The following CELF2 variants were observed in gnomAD, a reference collection of about 807,000 sequenced individuals.
CELF2 encodes the protein CUGBP Elav-like family member 2, also known as CUG triplet repeat RNA-binding protein 2.
A neutral mutation model predicts 62.6 loss-of-function variants in CELF2; 8 were observed. That is an observed-to-expected ratio of 0.13 (90% CI 0.07 to 0.23). The LOEUF (loss-of-function observed/expected upper bound fraction) is 0.23, where lower values mean the gene tolerates loss of function less well. Ranked by LOEUF, CELF2 falls within the 10% of genes least tolerant of loss-of-function variation. The pLI is 1.00. For synonymous variants in CELF2, 258 were observed against 250.0 expected, an observed-to-expected ratio of 1.03 and a Z score of -0.30; for missense variants, 333 against 671.0, an observed-to-expected ratio of 0.50 and a Z score of 5.56.
chr10:10,879,227 C>T (rs1215744001), intron 1 of CELF2, among the ~76,000 whole-genome samples: 1 of 152,206 alleles, frequency 6.6e-6, no homozygotes, highest in Non-Finnish European at 1.5e-5. Flanking sequence ...CTGGTGAATG[C>T]AATTCATTGC....
rs530124486 is a variant in CELF2 at position 11,316,510 on chromosome 10, A to G, written c.1096+2252A>G. On this transcript the variant is annotated intron_variant, in intron 10 of 12. Transcript: ENST00000633077. This position sits in a 1 kb window ranked among gnomAD's most constrained non-coding sequence, Gnocchi z 4.4. Reference sequence around the variant, plus strand: ...CCTTCTCAACAGAGATGATTATGCTACCAGTTCCACTGGATAATTCCTAAA... The same window carrying G: ...CCTTCTCAACAGAGATGATTATGCTGCCAGTTCCACTGGATAATTCCTAAA... 3.9e-5 allele frequency among the ~76,000 whole-genome samples: 6 copies of G among 152,326 alleles called. No homozygotes were observed. Among genetic ancestry groups the G allele is most frequent in the African/African-American group, 1.2e-4 (5 of 41,584 alleles).
the CELF2 span, among the ~76,000 whole-genome samples, chr10:10,662,526 G>A: frequency 1.3e-5 from 2 of 152,108 alleles, no homozygotes; most frequent in Admixed American, 6.5e-5. Context: ...AGTCACTTCC[G>A]AATACAGAGA....
the CELF2 span, among the ~76,000 whole-genome samples, chr10:10,597,571 C>T: frequency 6.6e-6 from 1 of 152,042 alleles, no homozygotes; most frequent in African/African-American, 2.4e-5. Context: ...GAATAAATGA[C>T]CTTTTGATAT....
chr10:11,164,458 T>C (rs2066478316), intron 1 of CELF2, among the ~76,000 whole-genome samples: 1 of 152,152 alleles, frequency 6.6e-6, no homozygotes, highest in South Asian at 2.1e-4. Flanking sequence ...TGCAAAAGCT[T>C]ATGGTTGTGC....
chr10:11,113,018 A>G (rs2055613234), intron 1 of CELF2, among the ~76,000 whole-genome samples: 1 of 152,206 alleles, frequency 6.6e-6, no homozygotes, highest in Non-Finnish European at 1.5e-5. Context: ...AACGCAATGC[A>G]TTTCCACACG....
intron 2 of CELF2, among the ~76,000 whole-genome samples, chr10:10,989,809 G>C (rs2053227315): frequency 6.6e-6 from 1 of 151,898 alleles, no homozygotes; most frequent in Admixed American, 6.6e-5. Context: ...TAAAAAAACA[G>C]TTTATGACTA....
At chr10:10,768,356 G>A in the CELF2 span, among the ~76,000 whole-genome samples, 6 of 151,980 alleles carry the variant, frequency 3.9e-5, no homozygotes, top group Admixed American at 1.3e-4. Context: ...AGGGACACAG[G>A]GCAAAGCGCA....
chr10:11,215,841 A>T (rs2063217283), intron 2 of CELF2, among the ~76,000 whole-genome samples: 1 of 152,192 alleles, frequency 6.6e-6, no homozygotes, highest in Non-Finnish European at 1.5e-5. Flanking sequence ...CCTTTTGGAA[A>T]TTATTCCTTG....
At chr10:10,615,236 T>C in the CELF2 span, among the ~76,000 whole-genome samples, 1 of 152,116 alleles carries the variant, frequency 6.6e-6, no homozygotes, top group Non-Finnish European at 1.5e-5. Context: ...TGTTTGTGGG[T>C]CCCGTATTTG....
At chr10:10,690,826 G>C in the CELF2 span, among the ~76,000 whole-genome samples, 1 of 152,120 alleles carries the variant, frequency 6.6e-6, no homozygotes. Flanking sequence ...GTTGCAGTGA[G>C]CCTAGATCGT....
chr10:11,303,861 G>C (rs958548547), intron 9 of CELF2, among the ~76,000 whole-genome samples: 1 of 152,194 alleles, frequency 6.6e-6, no homozygotes, highest in East Asian at 1.9e-4. Context: ...CTGCCACTGA[G>C]AGTTGTGTGA....
intron 1 of CELF2, chr10:10,918,017 C>G (rs933898249): frequency 6.6e-6 from 1 of 152,174 alleles, no homozygotes; most frequent in African/African-American, 2.4e-5. Context: ...TATCTTAACT[C>G]TGTGCTGTTA....
At chr10:10,725,100 C>T in the CELF2 span, among the ~76,000 whole-genome samples, 2 of 152,198 alleles carry the variant, frequency 1.3e-5, no homozygotes, top group Non-Finnish European at 2.9e-5. Context: ...TAGCTTTTTA[C>T]CAGTATTCCA....
chr10:10,793,210 T>G, the CELF2 span, among the ~76,000 whole-genome samples: 1 of 152,194 alleles, frequency 6.6e-6, no homozygotes, highest in Non-Finnish European at 1.5e-5. Context: ...AAAACACATA[T>G]CTTTGTTCAT....
the CELF2 span, among the ~76,000 whole-genome samples, chr10:10,614,305 C>T: frequency 6.6e-6 from 1 of 152,008 alleles, no homozygotes; most frequent in Non-Finnish European, 1.5e-5. Flanking sequence ...CCCGCTCTAC[C>T]AGAGTGGTAG....
intron 2 of CELF2, among the ~76,000 whole-genome samples, chr10:10,964,687 C>T (rs2049925320): frequency 6.6e-6 from 1 of 152,172 alleles, no homozygotes; most frequent in South Asian, 2.1e-4. Flanking sequence ...AACAGATTTT[C>T]TAAAATTTTA....
rs191292508 is a variant in CELF2, at chr10:10,868,149, C to T, written c.54-51815C>T. ...AGCATACCACCCCCAGAATTAGTGG[C>T]GGTGAAATGACAGTTGATTATCTCT... On this transcript the variant is annotated intron_variant, in intron 1 of 13. Transcript: ENST00000636488. Among the ~76,000 whole-genome samples, 12 of 152,278 alleles carry T rather than the reference C, an allele frequency of 7.9e-5. No homozygotes were observed. In the East Asian group the frequency reaches 1.5e-3, roughly 20 times the overall value.
At chr10:10,843,053 T>C (rs1267558560) in intron 1 of CELF2, among the ~76,000 whole-genome samples, 1 of 152,038 alleles carries the variant, frequency 6.6e-6, no homozygotes, top group Non-Finnish European at 1.5e-5. Context: ...GTCCATTTCA[T>C]CTAAGTAATC....
chr10:10,709,435 G>A, the CELF2 span, among the ~76,000 whole-genome samples: 7 of 151,810 alleles, frequency 4.6e-5, no homozygotes, highest in South Asian at 4.2e-4. Context: ...TCCTCCCCAC[G>A]CCCACCCTGC....
Sources: allele counts gnomAD v4.1 joint callset (sites outside exome capture counted in the v4.1 genomes callset), GRCh38; gene constraint gnomAD v4.1.1; non-coding constraint Gnocchi (gnomAD v3.1); transcripts MANE v1.5; gene names NCBI Gene and HGNC (gene_info 2026-07-23, HGNC 2026-07-21).